The following CHN2 variants were observed in gnomAD, a reference collection of about 807,000 sequenced individuals.
CHN2 encodes the protein chimerin 2.
CHN2 carries 35 observed loss-of-function variants against 56.3 expected under a neutral mutation model. That is an observed-to-expected ratio of 0.62 (90% CI 0.47 to 0.82). The LOEUF is 0.82. Ranked by LOEUF, CHN2 falls within the 40% of genes least tolerant of loss-of-function variation. The pLI, the probability that CHN2 is intolerant of heterozygous loss-of-function variation, is 0.00. For missense variants in CHN2, 491 were observed against 580.5 expected, an observed-to-expected ratio of 0.85 and a Z score of 1.58; for synonymous variants, 210 against 212.8, an observed-to-expected ratio of 0.99 and a Z score of 0.12.
At chr7:29,241,328 C>T (rs1260780170) in intron 1 of CHN2, among the ~76,000 whole-genome samples, 1 of 152,134 alleles carries the variant, frequency 6.6e-6, no homozygotes, top group Non-Finnish European at 1.5e-5. Context: ...GGGTCTCTCA[C>T]TAGGCCAGAG....
chr7:29,356,454 A>G (rs554309508), intron 2 of CHN2, among the ~76,000 whole-genome samples: 5 of 152,266 alleles, frequency 3.3e-5, no homozygotes, highest in African/African-American at 1.2e-4. Flanking sequence ...TCCCCACCCC[A>G]TATTCCAGTC....
At chr7:29,424,391 C>T (rs1031898693) in intron 6 of CHN2, among the ~76,000 whole-genome samples, 1 of 152,052 alleles carries the variant, frequency 6.6e-6, no homozygotes, top group Non-Finnish European at 1.5e-5. Context: ...AGGACATCTT[C>T]AGCAGTGATT....
In CHN2 at chr7:29,326,667, C is replaced by T. The variant is rs1286299919; in HGVS notation, c.50-27958C>T. 3.3e-5 allele frequency among the ~76,000 whole-genome samples: 5 copies of T among 152,248 alleles called. No individual in the cohort carries two copies. The East Asian group carries it at 9.7e-4, about 29-fold the overall frequency. The stretch of plus-strand genomic sequence containing the variant: ...TGTTTTGTCTTTTCCTACTAATGGG[C>T]TTGTCTTTGTAGTGTCCATGTAGTG... On this transcript the variant is annotated intron_variant, in intron 1 of 12. Coordinates refer to ENST00000222792, the MANE Select transcript of CHN2 (RefSeq NM_004067.4).
rs57823678 is a variant in CHN2, at chr7:29,405,164, TACACACACACACACAC to T, written c.576+4379_576+4394del. On this transcript the variant is annotated intron_variant, in intron 6 of 12. Coordinates refer to ENST00000222792, the MANE Select transcript of CHN2 (RefSeq NM_004067.4). ...TCTGTATGGAGTGCTTATGTCACCA[TACACACACACACACAC>T]ACACACACACACACACACACACACA... 3.6e-3 allele frequency among the ~76,000 whole-genome samples: 383 copies of T among 105,220 alleles called. 1 individual carries two copies. The highest frequency in any genetic ancestry group is 5.7e-3 in the Admixed American group (55 of 9,630). 69.0% of individuals were successfully genotyped at this position (105,220 alleles called of 152,430 possible).
At chr7:29,375,606 G>A (rs1020048340) in intron 3 of CHN2, among the ~76,000 whole-genome samples, 3 of 152,182 alleles carry the variant, frequency 2.0e-5, no homozygotes, top group African/African-American at 4.8e-5. Flanking sequence ...TGATAGCATC[G>A]TGTGTTACAA....
intron 1 of CHN2, among the ~76,000 whole-genome samples, chr7:29,274,497 T>A (rs929455096): frequency 7.2e-5 from 11 of 152,350 alleles, no homozygotes; most frequent in Middle Eastern, 3.4e-3. Context: ...TGCAAAATCA[T>A]CTCACTTAAT....
intron 6 of CHN2, among the ~76,000 whole-genome samples, chr7:29,424,681 T>G (rs764338374): frequency 2.6e-5 from 4 of 152,172 alleles, no homozygotes; most frequent in Non-Finnish European, 4.4e-5. Context: ...ACATTTGGAT[T>G]TCTAGTTTCT....
intron 6 of CHN2, among the ~76,000 whole-genome samples, chr7:29,450,125 G>A (rs1784304843): frequency 6.6e-6 from 1 of 152,196 alleles, no homozygotes; most frequent in East Asian, 1.9e-4. Flanking sequence ...TCTGTTTGCA[G>A]TGCACACTTT....
At chr7:29,173,361 A>G (rs1381116473) in intron 2 of CHN2, among the ~76,000 whole-genome samples, 1 of 152,056 alleles carries the variant, frequency 6.6e-6, no homozygotes, top group Non-Finnish European at 1.5e-5. Context: ...CCTCCAGCCC[A>G]CAGTGATTAT....
chr7:29,400,963 C>T, intron 6 of CHN2, 135 bp downstream of exon 6: 3 of 839,086 alleles, frequency 3.6e-6, no homozygotes, highest in Non-Finnish European at 5.4e-6. Context: ...ATGTTAGGGC[C>T]AAAGGGACCT....
chr7:29,394,302 A>G (rs1801573484), intron 4 of CHN2, among the ~76,000 whole-genome samples: 1 of 152,224 alleles, frequency 6.6e-6, no homozygotes, highest in Non-Finnish European at 1.5e-5. Context: ...CCATAAAAAT[A>G]ATTCGCAGTC....
chr7:29,182,269 C>T (rs1033846249), intron 2 of CHN2, among the ~76,000 whole-genome samples: 5 of 152,162 alleles, frequency 3.3e-5, no homozygotes, highest in African/African-American at 1.2e-4. Context: ...GGAAGGTTAG[C>T]AGTGGTGGAA....
intron 1 of CHN2, among the ~76,000 whole-genome samples, chr7:29,344,709 T>G (rs1173430393): frequency 6.6e-6 from 1 of 152,104 alleles, no homozygotes; most frequent in Non-Finnish European, 1.5e-5. Context: ...CTCTTTGTCT[T>G]TGGGGACTTT....
At chr7:29,245,567 A>G (rs1326367022) in intron 1 of CHN2, among the ~76,000 whole-genome samples, 1 of 152,226 alleles carries the variant, frequency 6.6e-6, no homozygotes, top group African/African-American at 2.4e-5. Flanking sequence ...CTTTACGTGC[A>G]TTATGCATTC....
intron 2 of CHN2, among the ~76,000 whole-genome samples, chr7:29,161,985 A>G (rs1441230842): frequency 1.3e-5 from 2 of 152,152 alleles, no homozygotes; most frequent in South Asian, 2.1e-4. Flanking sequence ...TCACTTATAA[A>G]CCTATTAGAA....
At chr7:29,215,214 T>C (rs1036912645) in intron 1 of CHN2, among the ~76,000 whole-genome samples, 3 of 152,180 alleles carry the variant, frequency 2.0e-5, no homozygotes, top group African/African-American at 7.2e-5. Context: ...TTACCCAGTC[T>C]GAGATTTTTG....
At chr7:29,462,287 A>C (rs1785224439) in intron 6 of CHN2, among the ~76,000 whole-genome samples, 1 of 152,202 alleles carries the variant, frequency 6.6e-6, no homozygotes, top group African/African-American at 2.4e-5. Flanking sequence ...ATATCACCAA[A>C]ACCTGCTTTG....
chr7:29,510,199 A>G (rs77787088), intron 12 of CHN2, among the ~76,000 whole-genome samples: 80 of 152,242 alleles, frequency 5.3e-4, no homozygotes, highest in African/African-American at 1.9e-3. Context: ...TTAAAACTGT[A>G]AACATTTATT....
At chr7:29,430,709 G>A (rs1782781033) in intron 6 of CHN2, among the ~76,000 whole-genome samples, 1 of 149,690 alleles carries the variant, frequency 6.7e-6, no homozygotes, top group Admixed American at 6.7e-5. Context: ...AAATATGTAC[G>A]AAGGCAGTTT....
Sources: gnomAD v4.1 joint callset for allele counts (sites outside exome capture counted in the v4.1 genomes callset) on GRCh38, gnomAD v4.1.1 for gene constraint, MANE v1.5 for transcripts, NCBI Gene and HGNC (gene_info 2026-07-23, HGNC 2026-07-21) for gene names.